The following LPP variants were observed in gnomAD, a reference collection of about 807,000 sequenced individuals.
The protein encoded by LPP is LIM domain containing preferred translocation partner in lipoma, also known as lipoma-preferred partner.
Under a neutral mutation model 60.4 loss-of-function variants are expected in LPP, and 38 were observed. That is an observed-to-expected ratio of 0.63 (90% CI 0.49 to 0.83). LPP has a LOEUF of 0.83. Among genes scored for constraint, LPP ranks in the 40% least tolerant of loss-of-function variants. The pLI, the probability that LPP is intolerant of heterozygous loss-of-function variation, is 0.00. For missense variants in LPP, 902 were observed against 783.6 expected (o/e 1.15, Z -1.80); for synonymous variants, 328 against 290.8 (o/e 1.13, Z -1.30).
chr3:188,613,316 A>ATATCTATATCTATATC (rs1560644220), intron 7 of LPP, among the ~76,000 whole-genome samples: 6 of 55,030 alleles, frequency 1.1e-4, no homozygotes, highest in Admixed American at 7.3e-4. Context: ...ATATCTATAT[A>ATATCTATATCTATATC]TATCGCTGTG....
At chr3:188,804,015 T>C (rs1164885064) in intron 9 of LPP, among the ~76,000 whole-genome samples, 1 of 151,550 alleles carries the variant, frequency 6.6e-6, no homozygotes, top group Non-Finnish European at 1.5e-5. Flanking sequence ...ATATTGTACA[T>C]ATTTCCTAAG....
chr3:188,564,194 G>C (rs1831535791), intron 6 of LPP, among the ~76,000 whole-genome samples: 1 of 151,928 alleles, frequency 6.6e-6, no homozygotes, highest in Admixed American at 6.6e-5. Flanking sequence ...TCTATGATAG[G>C]AAGGTCCAGA....
Position 188,258,811 on chromosome 3 carries a change from C to T in LPP, c.-67+33284C>T, listed in dbSNP as rs531186712. On this transcript the variant is annotated intron_variant, in intron 2 of 11. Coordinates refer to ENST00000617246, the MANE Select transcript of LPP (RefSeq NM_001375462.1). ...ATACTTTTTTTCTGACTCTATGAACCCTCAATCTTATGATGTTACCATTCC... is the reference window on the plus strand; with the variant it reads ...ATACTTTTTTTCTGACTCTATGAACTCTCAATCTTATGATGTTACCATTCC... Among the ~76,000 whole-genome samples the T allele has an allele frequency of 7.0e-4, 107 of 152,220 alleles. 1 individual carries two copies. Among genetic ancestry groups the T allele is most frequent in the African/African-American group, 2.5e-3 (104 of 41,528 alleles).
intron 9 of LPP, among the ~76,000 whole-genome samples, chr3:188,833,182 T>A (rs936548863): frequency 2.6e-5 from 4 of 152,186 alleles, no homozygotes; most frequent in African/African-American, 9.7e-5. Flanking sequence ...TCAAAGCTGG[T>A]CCACACTGAG....
Position 188,888,203 on chromosome 3 carries a change from T to C in LPP, c.*13724T>C, listed in dbSNP as rs1354557633. 4.6e-6 allele frequency: 1 copy of C among 219,378 alleles called. No homozygotes were observed. Among genetic ancestry groups the C allele is most frequent in the Non-Finnish European group, 9.2e-6 (1 of 109,212 alleles). The allele number at this position is 219,378 out of a possible 1,614,324, so 13.6% of individuals were successfully genotyped here. ...CTCTAACAGATTTAGGGCTTCTCTT[T>C]CTCTACAGCTAAGTAAGGGAATATG... On this transcript the variant is annotated 3_prime_UTR_variant, in exon 12 of 12. Transcript: ENST00000617246.
intron 1 of LPP, among the ~76,000 whole-genome samples, chr3:188,177,316 G>T (rs1723345864): frequency 6.6e-6 from 1 of 152,186 alleles, no homozygotes; most frequent in Admixed American, 6.5e-5. Flanking sequence ...AAGTGAGATG[G>T]ATACCAGTCT....
rs1225679659 is a variant in LPP, at chr3:188,887,585, G to A, written c.*13106G>A. 4.6e-6 allele frequency: 1 copy of A among 215,584 alleles called. No individual in the cohort carries two copies. Among genetic ancestry groups the A allele is most frequent in the African/African-American group, 2.3e-5 (1 of 44,386 alleles). 13.4% of individuals were successfully genotyped at this position (215,584 alleles called of 1,614,324 possible). ...CTATATACTTTGAGCTTAGTTTTTA[G>A]AATTGTGTCAAATACATCAACATAT... On this transcript the variant is annotated 3_prime_UTR_variant, in exon 12 of 12. Coordinates refer to ENST00000617246, the MANE Select transcript of LPP (RefSeq NM_001375462.1).
chr3:188,558,216 A>G (rs1225837175), intron 6 of LPP, among the ~76,000 whole-genome samples: 1 of 152,096 alleles, frequency 6.6e-6, no homozygotes, highest in African/African-American at 2.4e-5. Flanking sequence ...GCATGTATTC[A>G]TACCATACTT....
At chr3:188,220,684 G>A (rs1315869821) in intron 1 of LPP, among the ~76,000 whole-genome samples, 1 of 152,220 alleles carries the variant, frequency 6.6e-6, no homozygotes. Context: ...TCTGATTCAA[G>A]GAGTTGGGTG....
intron 9 of LPP, among the ~76,000 whole-genome samples, chr3:188,771,576 A>AAAGAGAGG (rs1736038994): frequency 7.7e-6 from 1 of 130,410 alleles, no homozygotes; most frequent in Non-Finnish European, 1.6e-5. Flanking sequence ...AGAAAGAAAG[A>AAAGAGAGG]AAGAAAGGGA....
chr3:188,170,010 G>T (rs1421428993), intron 1 of LPP, among the ~76,000 whole-genome samples: 2 of 152,206 alleles, frequency 1.3e-5, no homozygotes, highest in Non-Finnish European at 2.9e-5. Flanking sequence ...AGGCCTGGAG[G>T]GTTGCCAGAG....
intron 1 of LPP, among the ~76,000 whole-genome samples, chr3:188,167,575 C>T (rs1720363672): frequency 7.5e-6 from 1 of 134,142 alleles, no homozygotes; most frequent in Non-Finnish European, 1.6e-5. Context: ...AAAATGTTAT[C>T]TTTGTGTGTG....
intron 9 of LPP, among the ~76,000 whole-genome samples, chr3:188,826,093 G>A: frequency 6.6e-6 from 1 of 152,106 alleles, no homozygotes; most frequent in Non-Finnish European, 1.5e-5. Context: ...CGGATAGCCT[G>A]TTACTTATTT....
At chr3:188,636,539 TG>T (rs1169651792) in intron 7 of LPP, among the ~76,000 whole-genome samples, 1 of 152,108 alleles carries the variant, frequency 6.6e-6, no homozygotes, top group Non-Finnish European at 1.5e-5. Flanking sequence ...AAGCTCGAAC[TG>T]GGGGGAGCCC....
intron 3 of LPP, among the ~76,000 whole-genome samples, chr3:188,387,566 AT>A (rs57960044): frequency 0.54 from 72,189 of 133,416 alleles, 18,929 homozygotes; most frequent in Middle Eastern, 0.68. Context: ...TCAGAGGTTA[AT>A]TTTTTTTTTT....
intron 8 of LPP, among the ~76,000 whole-genome samples, chr3:188,731,516 T>TTTTTGTTTTGTTTTGTTTTGTTGTTTTG (rs1553817755): frequency 6.9e-6 from 1 of 145,700 alleles, no homozygotes; most frequent in Non-Finnish European, 1.5e-5. Flanking sequence ...TTTTTTGTTT[T>TTTTTGTTTTGTTTTGTTTTGTTGTTTTG]TTTTGTTTTG....
rs951392724 is a variant in LPP, at chr3:188,319,904, C to G, written c.-66-21759C>G. On this transcript the variant is annotated intron_variant, in intron 2 of 11. Transcript: ENST00000617246. The stretch of plus-strand genomic sequence containing the variant: ...CATTTAGTCATCCTGTCTTCTTTGT[C>G]TCCTCCTGACTGTGGCTATTTCTCA... 8.2e-4 allele frequency among the ~76,000 whole-genome samples: 125 copies of G among 151,810 alleles called. 1 individual carries two copies. Among genetic ancestry groups the G allele is most frequent in the African/African-American group, 3.0e-3 (123 of 41,138 alleles).
intron 1 of LPP, among the ~76,000 whole-genome samples, chr3:188,224,280 A>G (rs1232244345): frequency 2.0e-5 from 3 of 152,078 alleles, no homozygotes; most frequent in Non-Finnish European, 2.9e-5. Flanking sequence ...TTGAACTTGG[A>G]ATTGTTTTGT....
intron 4 of LPP, among the ~76,000 whole-genome samples, chr3:188,448,409 GAT>G (rs1795805313): frequency 3.8e-5 from 1 of 26,258 alleles, no homozygotes; most frequent in African/African-American, 1.0e-4. Flanking sequence ...TTTAGATAAA[GAT>G]ATCTATATTT....
Sources: allele counts gnomAD v4.1 joint callset (sites outside exome capture counted in the v4.1 genomes callset), GRCh38; gene constraint gnomAD v4.1.1; transcripts MANE v1.5; gene names NCBI Gene and HGNC (gene_info 2026-07-23, HGNC 2026-07-21).